The following HMBOX1 variants were observed in gnomAD, a reference collection of about 807,000 sequenced individuals.
HMBOX1 encodes the protein homeobox-containing protein 1.
Under a neutral mutation model 54.5 loss-of-function variants are expected in HMBOX1, and 14 were observed. The ratio of observed to expected loss-of-function variants is 0.26; its 90% CI spans 0.17 to 0.40. HMBOX1 has a LOEUF of 0.40. Among genes scored for constraint, HMBOX1 ranks in the 10% least tolerant of loss-of-function variants. The pLI, the probability that HMBOX1 is intolerant of heterozygous loss-of-function variation, is 1.00. For missense variants in HMBOX1, 332 were observed against 514.4 expected (o/e 0.65, Z 3.43); for synonymous variants, 160 against 181.0 (o/e 0.88, Z 0.93).
chr8:28,979,371 A>T (rs1238888695), intron 3 of HMBOX1, among the ~76,000 whole-genome samples: 2 of 152,232 alleles, frequency 1.3e-5, no homozygotes, highest in Admixed American at 6.5e-5. Flanking sequence ...TAGTGGAGGA[A>T]AAATGAGGTC....
At chr8:28,924,962 A>G (rs1325256298) in intron 1 of HMBOX1, among the ~76,000 whole-genome samples, 3 of 150,496 alleles carry the variant, frequency 2.0e-5, no homozygotes, top group Non-Finnish European at 4.4e-5. Context: ...AGTTCAGTGA[A>G]GTTATGAATT....
chr8:28,921,859 T>C (rs1817621080), intron 1 of HMBOX1, among the ~76,000 whole-genome samples: 1 of 152,236 alleles, frequency 6.6e-6, no homozygotes. Context: ...AAGACCTATA[T>C]GCAGAAATGC....
chr8:28,940,573 T>C (rs1821208668), intron 1 of HMBOX1, among the ~76,000 whole-genome samples: 1 of 152,200 alleles, frequency 6.6e-6, no homozygotes, highest in East Asian at 1.9e-4. Context: ...ATGACTAAAA[T>C]AGTTCCTGGA....
At chr8:28,951,423 G>C (rs1288392273) in intron 1 of HMBOX1, among the ~76,000 whole-genome samples, 1 of 152,106 alleles carries the variant, frequency 6.6e-6, no homozygotes, top group African/African-American at 2.4e-5. Context: ...GAGCCACTGC[G>C]CCCGGCCCAA....
chr8:28,965,256 A>G (rs1416214521), intron 2 of HMBOX1, among the ~76,000 whole-genome samples: 4 of 152,238 alleles, frequency 2.6e-5, no homozygotes, highest in East Asian at 1.9e-4. Context: ...TTCTCATTCC[A>G]CACCTAACTT....
chr8:29,042,872 G>A (rs1482454297), intron 6 of HMBOX1, among the ~76,000 whole-genome samples: 2 of 152,134 alleles, frequency 1.3e-5, no homozygotes, highest in Admixed American at 1.3e-4. Flanking sequence ...ACTGATGGGT[G>A]GGGGGATTAA....
chr8:28,969,757 T>C (rs1827070573), intron 2 of HMBOX1, among the ~76,000 whole-genome samples: 1 of 152,238 alleles, frequency 6.6e-6, no homozygotes, highest in African/African-American at 2.4e-5. Flanking sequence ...TCTGGTATTA[T>C]TTACATAACT....
At chr8:28,938,744 T>C (rs1174134516) in intron 1 of HMBOX1, among the ~76,000 whole-genome samples, 1 of 151,440 alleles carries the variant, frequency 6.6e-6, no homozygotes, top group Non-Finnish European at 1.5e-5. Flanking sequence ...CCACCTCACC[T>C]GGCCAGGGGT....
chr8:28,925,582 AACCACCTTG>A (rs983638226), intron 1 of HMBOX1, among the ~76,000 whole-genome samples: 14 of 152,158 alleles, frequency 9.2e-5, no homozygotes, highest in Admixed American at 8.5e-4. Flanking sequence ...ACTGCAGGTA[AACCACCTTG>A]ACCCTGTCAG....
intron 5 of HMBOX1, among the ~76,000 whole-genome samples, chr8:29,014,861 G>A (rs931489182): frequency 6.6e-6 from 1 of 152,008 alleles, no homozygotes; most frequent in Non-Finnish European, 1.5e-5. Flanking sequence ...TGTATTTTTA[G>A]TACAGACAGG....
At chr8:29,047,337 T>C in intron 7 of HMBOX1, 21 bp from the exon 8 acceptor site, 4 of 1,344,562 alleles carry the variant, frequency 3.0e-6, no homozygotes, top group Non-Finnish European at 4.3e-6. Flanking sequence ...ATTATCTGAA[T>C]TTTATTGCAT....
intron 3 of HMBOX1, among the ~76,000 whole-genome samples, chr8:28,973,813 T>TTG (rs1554551582): frequency 2.6e-4 from 9 of 35,028 alleles, no homozygotes; most frequent in South Asian, 9.3e-4. Context: ...GTTTTTTTTT[T>TTG]TTTTTTTTTT....
intron 4 of HMBOX1, among the ~76,000 whole-genome samples, chr8:28,991,196 TAG>T (rs1830932713): frequency 6.6e-6 from 1 of 152,220 alleles, no homozygotes; most frequent in South Asian, 2.1e-4. Flanking sequence ...GTCAGCAGAA[TAG>T]AATATAGAAC....
intron 1 of HMBOX1, among the ~76,000 whole-genome samples, chr8:28,914,700 A>G (rs774177341): frequency 9.9e-5 from 15 of 152,260 alleles, no homozygotes; most frequent in Non-Finnish European, 1.5e-4. Context: ...TTAATAAAAT[A>G]AATATGTGGT....
chr8:28,955,192 T>C (rs1287246367), intron 1 of HMBOX1, among the ~76,000 whole-genome samples: 1 of 152,120 alleles, frequency 6.6e-6, no homozygotes, highest in Admixed American at 6.5e-5. Flanking sequence ...TGTGGCCATA[T>C]GCTTTTTAAA....
chr8:28,903,597 A>G (rs1357797802), intron 1 of HMBOX1, among the ~76,000 whole-genome samples: 2 of 152,068 alleles, frequency 1.3e-5, no homozygotes, highest in African/African-American at 4.8e-5. Flanking sequence ...ATGAGGTGGG[A>G]CTATCATCAT....
intron 4 of HMBOX1, among the ~76,000 whole-genome samples, chr8:29,006,779 C>T (rs1169763133): frequency 1.3e-5 from 2 of 152,132 alleles, no homozygotes; most frequent in Non-Finnish European, 2.9e-5. Flanking sequence ...GTCTAGCGAG[C>T]TCTGAGGCTT....
chr8:28,985,940 A>G (rs1163208038), intron 4 of HMBOX1, among the ~76,000 whole-genome samples: 1 of 152,058 alleles, frequency 6.6e-6, no homozygotes, highest in African/African-American at 2.4e-5. Flanking sequence ...CTGACACGTC[A>G]TTGTCACCCA....
chr8:28,903,657 G>C (rs1554520167), intron 1 of HMBOX1, among the ~76,000 whole-genome samples: 1 of 152,064 alleles, frequency 6.6e-6, no homozygotes, highest in Non-Finnish European at 1.5e-5. Context: ...ATTATTTTTT[G>C]TCTTTCTTCC....
Sources: allele counts gnomAD v4.1 joint callset (sites outside exome capture counted in the v4.1 genomes callset), GRCh38; gene constraint gnomAD v4.1.1; transcripts MANE v1.5; gene names NCBI Gene and HGNC (gene_info 2026-07-23, HGNC 2026-07-21).